Variants in WDPCP observed in about 807,000 individuals in gnomAD.
WDPCP encodes WD repeat-containing and planar cell polarity effector protein fritz homolog.
In WDPCP, 71 loss-of-function variants were observed where a neutral mutation model predicts 93.1. The ratio of observed to expected loss-of-function variants is 0.76; its 90% CI spans 0.63 to 0.93. WDPCP has a LOEUF of 0.93. Among genes scored for constraint, WDPCP ranks in the 40% least tolerant of loss-of-function variants. The pLI is 0.00. For missense variants in WDPCP, 844 were observed against 887.4 expected (o/e 0.95, Z 0.62); for synonymous variants, 315 against 315.0 (o/e 1.00, Z 0.00).
chr2:63,330,690 AC>A (rs1457384185), intron 12 of WDPCP, among the ~76,000 whole-genome samples: 3 of 152,038 alleles, frequency 2.0e-5, no homozygotes, highest in African/African-American at 7.2e-5. Flanking sequence ...CTCTTTGTTT[AC>A]TTCTAGCAGT....
intron 2 of WDPCP, among the ~76,000 whole-genome samples, chr2:63,699,545 C>A (rs1385200231): frequency 1.3e-5 from 2 of 152,024 alleles, no homozygotes; most frequent in Non-Finnish European, 2.9e-5. Flanking sequence ...TTGAGCTGGG[C>A]CTTATTAAAG....
chr2:63,347,133 T>C lies in WDPCP; in HGVS notation c.1748+31253A>G, dbSNP rs372261170. On this transcript the variant is annotated intron_variant, in intron 12 of 17. Coordinates refer to ENST00000272321, the MANE Select transcript of WDPCP (RefSeq NM_015910.7). The stretch of plus-strand genomic sequence containing the variant: ...TTAGGATCTTCTGTGTACTAGTTAC[T>C]ATTTTAAGTACCTTACATATATTAA... Among the ~76,000 whole-genome samples, 45 of 152,304 alleles carry C rather than the reference T, an allele frequency of 3.0e-4. 1 individual carries two copies. In the Middle Eastern group the frequency reaches 0.017, roughly 58 times the overall value.
intron 14 of WDPCP, among the ~76,000 whole-genome samples, chr2:63,212,882 T>A (rs1676955398): frequency 6.6e-6 from 1 of 151,034 alleles, no homozygotes. Flanking sequence ...AAGAAGGCAA[T>A]TATATAATGG....
chr2:63,321,386 CTGTGTGTGTGTGTGTGTGTGTG>C (rs59970085), intron 12 of WDPCP, among the ~76,000 whole-genome samples: 2 of 148,528 alleles, frequency 1.3e-5, no homozygotes, highest in Non-Finnish European at 3.0e-5. Context: ...TATATACACT[CTGTGTGTGTGTGTGTGTGTGTG>C]TGTGTGTGTG....
chr2:63,437,359 T>A lies in WDPCP; in HGVS notation c.633+62A>T, dbSNP rs147432340. On this transcript the variant is annotated intron_variant, in intron 8 of 17. Transcript: ENST00000272321. ...AAGAATAATGAGCAGAATACCAACT[T>A]ATGTGATACTCTCATATACCTTAAT... is the stretch of plus-strand genomic sequence containing the variant. The A allele has an allele frequency of 1.7e-3, 2,254 of 1,299,092 alleles. 38 individuals are homozygous for A. The African/African-American group carries it at 0.03, about 17-fold the overall frequency. 80.5% of individuals were successfully genotyped at this position (1,299,092 alleles called of 1,614,324 possible).
intron 2 of WDPCP, among the ~76,000 whole-genome samples, chr2:63,682,226 T>C (rs1428861281): frequency 6.6e-6 from 1 of 152,194 alleles, no homozygotes; most frequent in Non-Finnish European, 1.5e-5. Flanking sequence ...AACAGGGACA[T>C]GTGACTTTTC....
In WDPCP at chr2:63,378,494, C is replaced by G. The variant is rs764719249; in HGVS notation, c.1640G>C (p.Ser547Thr). The G allele has an allele frequency of 1.2e-6, 2 of 1,613,160 alleles. No homozygotes were observed. The highest frequency in any genetic ancestry group is 2.2e-5 in the South Asian group (2 of 91,074). The change falls in exon 12 of 18, where the codon AGC (serine) becomes ACC (threonine). Residue 547 changes from serine (S) to threonine (T), a missense_variant. Physicochemically the swap from Ser to Thr is moderately conservative, Grantham distance 58. Coordinates refer to ENST00000272321, the MANE Select transcript of WDPCP (RefSeq NM_015910.7). ...TGTTGGAGCATAGAAGGTTCCAAGG[C>G]TTGTCTCAAGCTGTGCTGTGGAATT... ...TPEREAQLET[S>T]LGTFYAPTRP...
At chr2:63,663,934 T>C (rs1426569340) in intron 2 of WDPCP, among the ~76,000 whole-genome samples, 2 of 152,120 alleles carry the variant, frequency 1.3e-5, no homozygotes, top group East Asian at 1.9e-4. Context: ...TTCCCTCATA[T>C]ATCAACAACC....
intron 14 of WDPCP, among the ~76,000 whole-genome samples, chr2:63,185,913 C>T (rs1674599396): frequency 6.8e-6 from 1 of 146,292 alleles, no homozygotes; most frequent in Non-Finnish European, 1.5e-5. Flanking sequence ...GCTCCCACCT[C>T]CCGGCCCCCC....
At chr2:63,381,252 A>T (rs771678579) in intron 11 of WDPCP, among the ~76,000 whole-genome samples, 2 of 152,112 alleles carry the variant, frequency 1.3e-5, no homozygotes, top group Admixed American at 6.6e-5. Context: ...TGTATGTGTC[A>T]CAGCATTCCC....
At chr2:63,723,980 A>C (rs7564727) in intron 2 of WDPCP, among the ~76,000 whole-genome samples, 4,640 of 152,278 alleles carry the variant, frequency 0.03, 249 homozygotes, top group African/African-American at 0.11. Context: ...TACCCATTTC[A>C]GATTTGCTAC....
intron 14 of WDPCP, among the ~76,000 whole-genome samples, chr2:63,221,165 A>T (rs965977243): frequency 1.3e-5 from 2 of 152,174 alleles, no homozygotes; most frequent in African/African-American, 4.8e-5. Flanking sequence ...CTATTTTTCA[A>T]CAATGAGATA....
chr2:63,378,409 C>T lies in WDPCP; in HGVS notation c.1725G>A (p.Arg575=). Residue 575 remains arginine (R), a synonymous_variant, in exon 12 of 18, where the codon AGG becomes AGA. Coordinates refer to ENST00000272321, the MANE Select transcript of WDPCP (RefSeq NM_015910.7). The stretch of plus-strand genomic sequence containing the variant: ...ACCTGAGCAAGTGATGGAAGAATCT[C>T]CTTGCATATTTGCTGATTTGATCTC... ...EYRDQISKYA[R]RFFHHLLRYQ... is the part of the protein sequence containing the mutation. 6.2e-7 allele frequency: 1 copy of T among 1,613,062 alleles called. No individual in the cohort carries two copies. Among genetic ancestry groups the T allele is most frequent in the Middle Eastern group, 1.7e-4 (1 of 6,046 alleles).
At chr2:63,686,677 A>G (rs1668807652) in intron 2 of WDPCP, among the ~76,000 whole-genome samples, 1 of 152,174 alleles carries the variant, frequency 6.6e-6, no homozygotes, top group African/African-American at 2.4e-5. Context: ...ATTATACTAC[A>G]GTACTATAGT....
At chr2:63,606,176 G>A in intron 3 of WDPCP, 1 of 737,928 alleles carries the variant, frequency 1.4e-6, no homozygotes, top group Non-Finnish European at 2.4e-6. Flanking sequence ...GAGCCCAGGA[G>A]TTCAAGACCA....
intron 10 of WDPCP, among the ~76,000 whole-genome samples, chr2:63,398,092 A>C (rs1693877806): frequency 1.3e-5 from 2 of 152,164 alleles, no homozygotes; most frequent in Admixed American, 6.6e-5. Context: ...ATTCTTTTTC[A>C]CTGAACTGAG....
At chr2:63,132,355 C>T (rs1274278646) in intron 17 of WDPCP, among the ~76,000 whole-genome samples, 3 of 151,590 alleles carry the variant, frequency 2.0e-5, no homozygotes, top group Non-Finnish European at 4.4e-5. Context: ...ATTTGTTGAA[C>T]TTCTTGAGTT....
At chr2:63,306,570 T>C (rs1348651824) in intron 13 of WDPCP, among the ~76,000 whole-genome samples, 1 of 152,242 alleles carries the variant, frequency 6.6e-6, no homozygotes, top group East Asian at 1.9e-4. Flanking sequence ...ATCCCTGGGA[T>C]GCAAGGCTGG....
chr2:63,700,589 T>C (rs1405203019), intron 2 of WDPCP, among the ~76,000 whole-genome samples: 1 of 152,200 alleles, frequency 6.6e-6, no homozygotes, highest in African/African-American at 2.4e-5. Context: ...TTTTTCTAAA[T>C]GGTAAAATTT....
Sources: allele counts gnomAD v4.1 joint callset (sites outside exome capture counted in the v4.1 genomes callset), GRCh38; gene constraint gnomAD v4.1.1; transcripts MANE v1.5; gene names NCBI Gene and HGNC (gene_info 2026-07-23, HGNC 2026-07-21).